Variants in DISP2 observed in about 807,000 individuals in gnomAD.
DISP2 encodes protein dispatched homolog 2.
DISP2 carries 59 observed loss-of-function variants against 95.5 expected under a neutral mutation model. The ratio of observed to expected loss-of-function variants is 0.62; its 90% CI spans 0.50 to 0.77. The LOEUF (loss-of-function observed/expected upper bound fraction) is 0.77, where lower values mean the gene tolerates loss of function less well. Ranked by LOEUF, DISP2 falls within the 30% of genes least tolerant of loss-of-function variation. The pLI is 0.00. For synonymous variants in DISP2, 827 were observed against 815.0 expected (o/e 1.01, Z -0.25); for missense variants, 1,752 against 1,854.6 (o/e 0.94, Z 1.02).
At position 40,369,711 on chromosome 15, in the gene DISP2, A is replaced by G. The variant is rs770462546; in HGVS notation, c.3599A>G (p.Asp1200Gly). 17 of 1,611,344 alleles carry G rather than the reference A, an allele frequency of 1.1e-5. No homozygotes were observed. The highest frequency in any genetic ancestry group is 1.4e-5 in the Non-Finnish European group (17 of 1,179,998). ...SVLSEDLQLH[D>G]GPCCSRPPPA... ...CTCTCTGAGGATCTGCAGCTCCATG[A>G]TGGTCCGTGCTGTTCCCGGCCCCCA... The change falls in exon 8 of 8, where the codon GAT (aspartate) becomes GGT (glycine). Residue 1200 changes from aspartate (D) to glycine (G), a missense_variant. Physicochemically the swap from Asp to Gly is moderately conservative, Grantham distance 94 (BLOSUM62 -1). Coordinates refer to ENST00000267889, the MANE Select transcript of DISP2 (RefSeq NM_033510.3).
chr15:40,360,026 A>T (rs1279305084), intron 1 of DISP2, among the ~76,000 whole-genome samples: 1 of 152,174 alleles, frequency 6.6e-6, no homozygotes, highest in Admixed American at 6.5e-5. Context: ...TTGGGGGTAT[A>T]GTTAATGCGA....
intron 4 of DISP2, 100 bp from the exon 5 acceptor site, chr15:40,364,738 C>T (rs1006627431): frequency 7.1e-7 from 1 of 1,402,546 alleles, no homozygotes; most frequent in Non-Finnish European, 9.7e-7. Context: ...GGCGGGCTGG[C>T]CTTCCCTGCT....
intron 4 of DISP2, 72 bp from the exon 5 acceptor site, chr15:40,364,766 C>A: frequency 6.7e-7 from 1 of 1,488,752 alleles, no homozygotes; most frequent in East Asian, 2.3e-5. Flanking sequence ...GTCAAAGGGG[C>A]AGAGCTGAGA....
chr15:40,359,186 G>A (rs377185583), intron 1 of DISP2, among the ~76,000 whole-genome samples: 7 of 152,158 alleles, frequency 4.6e-5, no homozygotes, highest in African/African-American at 1.4e-4. Context: ...GCAATATGGC[G>A]CAATTTCTGT....
chr15:40,374,014 A>AAAAAATAT lies in DISP2; in HGVS notation c.*3697_*3698insAAAATATA. The stretch of plus-strand genomic sequence containing the variant: ...GCGAGACTCCATCTTAAAAAAAAAA[A>AAAAAATAT]ATATATATATATATATATGTAAACT... On this transcript the variant is annotated 3_prime_UTR_variant, in exon 8 of 8. Coordinates refer to ENST00000267889, the MANE Select transcript of DISP2 (RefSeq NM_033510.3). The AAAAAATAT allele has an allele frequency of 6.7e-5, 7 of 104,194 alleles. No homozygotes were observed. Among genetic ancestry groups the AAAAAATAT allele is most frequent in the African/African-American group, 2.9e-4 (7 of 23,940 alleles). The allele number at this position is 104,194 out of a possible 1,614,324, so 6.5% of individuals were successfully genotyped here. A position where few individuals can be genotyped will look rare whatever the true frequency, so the allele number is the denominator to read the frequency against.
In DISP2 at chr15:40,360,633, G is replaced by A. The variant is rs962979637; in HGVS notation, c.119+2193G>A. 3.3e-5 allele frequency among the ~76,000 whole-genome samples: 5 copies of A among 152,130 alleles called. No individual in the cohort carries two copies. The East Asian group carries it at 7.7e-4, about 23-fold the overall frequency. On this transcript the variant is annotated intron_variant, in intron 1 of 7. Coordinates refer to ENST00000267889, the MANE Select transcript of DISP2 (RefSeq NM_033510.3). The stretch of plus-strand genomic sequence containing the variant: ...ACAAGAGCCAGCTAAGGAAAAGGGT[G>A]GACTTGGGAGGTTTTAGAAAACTGG...
At chr15:40,365,908 G>T (rs1889491462) in intron 7 of DISP2, among the ~76,000 whole-genome samples, 183 bp downstream of exon 7, 1 of 152,222 alleles carries the variant, frequency 6.6e-6, no homozygotes, top group African/African-American at 2.4e-5. Flanking sequence ...AGAAGAGTCG[G>T]CTGTTTTTAG....
At position 40,369,815 on chromosome 15, in the gene DISP2, T is replaced by A. The variant is rs758044656; in HGVS notation, c.3703T>A (p.Ser1235Thr). ...CCAGTGCCCTGCCCTGCAGACCTCC[T>A]CCCCCTATAAGCAGGCTGGCCCCAG... is the stretch of plus-strand genomic sequence containing the variant. The part of the protein sequence containing the change: ...FSQCPALQTS[S>T]PYKQAGPSPK... Residue 1235 changes from serine (S) to threonine (T), a missense_variant, in exon 8 of 8, where the codon TCC becomes ACC. By Grantham distance (58) the Ser-to-Thr change is moderately conservative. Transcript: ENST00000267889. 6.3e-7 allele frequency: 1 copy of A among 1,589,904 alleles called. No individual in the cohort carries two copies. The highest frequency in any genetic ancestry group is 1.3e-5 in the African/African-American group (1 of 74,492).
Position 40,369,130 on chromosome 15 carries a change from C to T in DISP2, c.3018C>T (p.Leu1006=), listed in dbSNP as rs200120680. ...VAGTVLLTVG[L]LVLLEWQLNT... ...GCACCGTGCTGCTCACTGTAGGACT[C>T]CTGGTTCTCCTCGAGTGGCAGCTCA... Residue 1006 remains leucine, a synonymous_variant, in exon 8 of 8, where the codon CTC becomes CTT. Transcript: ENST00000267889. 1.2e-6 allele frequency: 2 copies of T among 1,613,950 alleles called. No homozygotes were observed. Among genetic ancestry groups the T allele is most frequent in the East Asian group, 4.5e-5 (2 of 44,886 alleles).
intron 1 of DISP2, 72 bp downstream of exon 1, chr15:40,358,512 AGCC>A (rs1236773532): frequency 9.0e-7 from 1 of 1,106,916 alleles, no homozygotes; most frequent in African/African-American, 1.6e-5. Flanking sequence ...TATCCCCAGT[AGCC>A]GCCATATGTT....
Position 40,367,342 on chromosome 15 carries a change from A to G in DISP2, c.1230A>G (p.Gln410=), listed in dbSNP as rs151142376. The G allele has an allele frequency of 6.2e-7, 1 of 1,612,066 alleles. No individual in the cohort carries two copies. Among genetic ancestry groups the G allele is most frequent in the Admixed American group, 1.7e-5 (1 of 59,826 alleles). The part of the protein sequence containing the change: ...TKCSQSSAIY[Q]LLHFLLDRDF... The stretch of plus-strand genomic sequence containing the variant: ...GCTCCCAGAGTAGTGCCATCTACCA[A>G]CTCCTGCACTTTCTGCTTGACAGGG... The change falls in exon 8 of 8, where the codon CAA becomes CAG. Residue 410 remains glutamine (Q), a synonymous_variant. Coordinates refer to ENST00000267889, the MANE Select transcript of DISP2 (RefSeq NM_033510.3).
rs761601170 is a variant in DISP2 at position 40,365,677 on chromosome 15, A to C, written c.897A>C (p.Leu299=). 6.2e-7 allele frequency: 1 copy of C among 1,614,098 alleles called. No individual in the cohort carries two copies. Among genetic ancestry groups the C allele is most frequent in the South Asian group, 1.1e-5 (1 of 91,082 alleles). ...TCATGTCCACCTCCTCGGGCAGCCT[A>C]TGGAACCTGCATGCCATCCATTCCA... is the stretch of plus-strand genomic sequence containing the variant. The part of the protein sequence containing the change: ...LVFMSTSSGS[L]WNLHAIHSMC... The change falls in exon 7 of 8, where the codon CTA becomes CTC. Residue 299 remains leucine, a synonymous_variant. Coordinates refer to ENST00000267889, the MANE Select transcript of DISP2 (RefSeq NM_033510.3).
Position 40,369,500 on chromosome 15 carries a change from C to T in DISP2, c.3388C>T (p.Leu1130=). Residue 1130 remains leucine, a synonymous_variant, in exon 8 of 8, where the codon CTG becomes TTG. Coordinates refer to ENST00000267889, the MANE Select transcript of DISP2 (RefSeq NM_033510.3). ...CGQILWPCAH[L]PWDAGTGDPG... ...GCAGATCCTCTGGCCCTGTGCCCAC[C>T]TGCCATGGGATGCTGGTACTGGGGA... 1 of 1,613,220 alleles carries T rather than the reference C, an allele frequency of 6.2e-7. No homozygotes were observed. Among genetic ancestry groups the T allele is most frequent in the Non-Finnish European group, 8.5e-7 (1 of 1,180,012 alleles).
rs748735816 is a variant in DISP2, at chr15:40,365,667, C to T, written c.887C>T (p.Ser296Leu). The change falls in exon 7 of 8, where the codon TCG becomes TTG. Residue 296 changes from serine to leucine, a missense_variant. By Grantham distance (145) the Ser-to-Leu change is moderately radical (BLOSUM62 -2). This residue lies in a region of DISP2 where 14 missense variants were observed against 36.6 expected (regional missense o/e 0.38). Coordinates refer to ENST00000267889, the MANE Select transcript of DISP2 (RefSeq NM_033510.3). ...YAKLVFMSTS[S>L]GSLWNLHAIH... The stretch of plus-strand genomic sequence containing the variant: ...AAGCTGGTGTTCATGTCCACCTCCT[C>T]GGGCAGCCTATGGAACCTGCATGCC... 3.2e-5 allele frequency: 51 copies of T among 1,613,982 alleles called. No individual in the cohort carries two copies. Among genetic ancestry groups the T allele is most frequent in the South Asian group, 5.5e-5 (5 of 91,088 alleles).
intron 2 of DISP2, 82 bp downstream of exon 2, chr15:40,364,036 A>G: frequency 6.7e-7 from 1 of 1,492,044 alleles, no homozygotes; most frequent in Non-Finnish European, 9.0e-7. Context: ...CCGGGGCTCT[A>G]GACTCCTTTC....
In DISP2 at chr15:40,370,118, A is replaced by T. The variant is rs1889613285; in HGVS notation, c.4006A>T (p.Lys1336Ter). The change falls in exon 8 of 8, where the codon AAG becomes TAG. Residue 1336 changes from lysine to a stop codon, truncating the protein, a stop_gained. Transcript: ENST00000267889. LOFTEE classifies it high-confidence loss of function. ...PVLERGQLNG[K>*]RDTLWLALRE... ...CCTTGAGCGAGGCCAGCTCAATGGG[A>T]AGCGGGACACCCTGTGGCTGGCGCT... 16 of 1,607,766 alleles carry T rather than the reference A, an allele frequency of 1.0e-5. No individual in the cohort carries two copies. The highest frequency in any genetic ancestry group is 1.4e-5 in the Non-Finnish European group (16 of 1,176,676).
In DISP2 at chr15:40,377,847, C is replaced by T. The variant is rs757816184; in HGVS notation, c.*7529C>T. The stretch of plus-strand genomic sequence containing the variant: ...CAGCCTGGACCACGCCTGTCCCCAT[C>T]AGCCAGATTGGAAAACCTCAAATTT... On this transcript the variant is annotated 3_prime_UTR_variant, in exon 8 of 8. Transcript: ENST00000267889. 13 of 152,606 alleles carry T rather than the reference C, an allele frequency of 8.5e-5. No homozygotes were observed. The highest frequency in any genetic ancestry group is 2.6e-4 in the Admixed American group (4 of 15,302). 9.5% of individuals were successfully genotyped at this position (152,606 alleles called of 1,614,324 possible).
At chr15:40,360,199 C>T (rs921230726) in intron 1 of DISP2, among the ~76,000 whole-genome samples, 5 of 152,146 alleles carry the variant, frequency 3.3e-5, no homozygotes, top group African/African-American at 4.8e-5. Flanking sequence ...CCTGCAGGCC[C>T]GGGCAGGCAA....
intron 4 of DISP2, 53 bp downstream of exon 4, chr15:40,364,597 G>C: frequency 3.1e-6 from 5 of 1,589,772 alleles, no homozygotes; most frequent in Non-Finnish European, 4.3e-6. Context: ...CCTTGACCCA[G>C]CCTGGGGCAG....
Sources: gnomAD v4.1 joint callset for allele counts (sites outside exome capture counted in the v4.1 genomes callset) on GRCh38, gnomAD v4.1.1 for gene constraint, gnomAD v4.1.1 regional missense constraint, MANE v1.5 for transcripts, NCBI Gene and HGNC (gene_info 2026-07-23, HGNC 2026-07-21) for gene names.